Variants in SUMF1 observed in about 807,000 individuals in gnomAD.
The protein encoded by SUMF1 is formylglycine-generating enzyme.
SUMF1 carries 48 observed loss-of-function variants against 47.6 expected under a neutral mutation model. That is an observed-to-expected ratio of 1.01 (90% CI 0.80 to 1.28). SUMF1 has a LOEUF of 1.28. Ranked by LOEUF, SUMF1 falls within the 50% of genes most tolerant of loss-of-function variation. The probability of loss-of-function intolerance (pLI) is 0.00; values close to 1 mark genes in which losing one functional copy is unlikely to be tolerated. For synonymous variants in SUMF1, 230 were observed against 192.1 expected, an observed-to-expected ratio of 1.20 and a Z score of -1.63; for missense variants, 571 against 485.4, an observed-to-expected ratio of 1.18 and a Z score of -1.66.
At chr3:4,180,443 G>C (rs1695068595) in intron 8 of SUMF1, among the ~76,000 whole-genome samples, 1 of 151,506 alleles carries the variant, frequency 6.6e-6, no homozygotes, top group East Asian at 1.9e-4. Context: ...CCATCACAAG[G>C]ACAGAAAACC....
chr3:4,108,005 T>C lies in SUMF1; in HGVS notation c.1015-39260A>G, dbSNP rs577886284. Among the ~76,000 whole-genome samples the C allele has an allele frequency of 2.0e-5, 3 of 152,178 alleles. No homozygotes were observed. The South Asian group carries it at 6.2e-4, about 32-fold the overall frequency. ...GAGATGGAAACTAGAAAAAACAATT[T>C]CTGGAAATAACCCAAATGCCCAACA... On this transcript the variant is annotated intron_variant and NMD_transcript_variant, in intron 8 of 12. Coordinates refer to the SUMF1 transcript ENST00000448413.
At chr3:4,267,225 T>C (rs1697213893) in intron 8 of SUMF1, among the ~76,000 whole-genome samples, 1 of 152,178 alleles carries the variant, frequency 6.6e-6, no homozygotes. Flanking sequence ...GGTATCAGAA[T>C]GATGCTGGCC....
chr3:4,429,992 G>A (rs1239631680), intron 3 of SUMF1, among the ~76,000 whole-genome samples: 2 of 152,184 alleles, frequency 1.3e-5, no homozygotes, highest in Non-Finnish European at 2.9e-5. Context: ...GGACTTTAAA[G>A]GTGGGAAGGA....
Position 4,366,034 on chromosome 3 carries a change from G to A in SUMF1, c.1015-3780C>T, listed in dbSNP as rs1699942508. 5.3e-5 allele frequency among the ~76,000 whole-genome samples: 8 copies of A among 151,916 alleles called. 1 individual carries two copies. The South Asian group carries it at 1.7e-3, about 32-fold the overall frequency. ...GAAAATTCTTTTCTTTAAGAATGTT[G>A]AATATTGGCCCCCACTCTCTTCTGG... On this transcript the variant is annotated intron_variant, in intron 8 of 8. Transcript: ENST00000272902.
At chr3:4,367,125 C>G (rs911428378) in intron 8 of SUMF1, among the ~76,000 whole-genome samples, 1 of 151,956 alleles carries the variant, frequency 6.6e-6, no homozygotes. Flanking sequence ...CAGTCTGCCC[C>G]TACTGGGGGG....
chr3:4,230,586 C>T (rs1189216286), intron 8 of SUMF1, among the ~76,000 whole-genome samples: 9 of 152,098 alleles, frequency 5.9e-5, no homozygotes, highest in African/African-American at 2.2e-4. Flanking sequence ...TTCCCAGCAC[C>T]TCAACATGTT....
chr3:4,406,341 G>T (rs1348275368), intron 7 of SUMF1, among the ~76,000 whole-genome samples: 1 of 152,120 alleles, frequency 6.6e-6, no homozygotes, highest in Non-Finnish European at 1.5e-5. Context: ...AAGTTACTTT[G>T]GTTTATTCCA....
At chr3:4,420,972 T>C (rs1274600222) in intron 3 of SUMF1, among the ~76,000 whole-genome samples, 1 of 152,164 alleles carries the variant, frequency 6.6e-6, no homozygotes, top group Non-Finnish European at 1.5e-5. Context: ...TCCTAGTCCT[T>C]GTCTGTGAAA....
intron 1 of SUMF1, among the ~76,000 whole-genome samples, chr3:4,454,288 T>C (rs766129452): frequency 2.0e-5 from 3 of 152,268 alleles, no homozygotes; most frequent in Non-Finnish European, 4.4e-5. Context: ...GAGCACAGGA[T>C]CTGAGGATGA....
intron 8 of SUMF1, among the ~76,000 whole-genome samples, chr3:4,131,790 G>A (rs1574911001): frequency 6.6e-6 from 1 of 152,072 alleles, no homozygotes; most frequent in South Asian, 2.1e-4. Flanking sequence ...AGCAGAAGAG[G>A]ATTTTAATAA....
chr3:4,136,306 A>C (rs1170519351), intron 8 of SUMF1, among the ~76,000 whole-genome samples: 1 of 152,076 alleles, frequency 6.6e-6, no homozygotes, highest in East Asian at 1.9e-4. Context: ...GAGCCCTCAG[A>C]AATAATACCA....
chr3:4,252,585 C>A (rs747145320), intron 8 of SUMF1, among the ~76,000 whole-genome samples: 1 of 152,120 alleles, frequency 6.6e-6, no homozygotes, highest in Non-Finnish European at 1.5e-5. Flanking sequence ...TTTACACGTA[C>A]AATGAACTTA....
chr3:4,202,272 A>G (rs1225306419), intron 8 of SUMF1, among the ~76,000 whole-genome samples: 1 of 151,592 alleles, frequency 6.6e-6, no homozygotes, highest in Non-Finnish European at 1.5e-5. Flanking sequence ...TTTTTATTTG[A>G]TTTTTGTATA....
rs541738630 is a variant in SUMF1, at chr3:4,153,554, T to C, written c.1015-84809A>G. On this transcript the variant is annotated intron_variant and NMD_transcript_variant, in intron 8 of 12. Coordinates refer to the SUMF1 transcript ENST00000448413. ...TTTTTTTTACTGTATTTCCAGTTTT[T>C]CCACTGTTCAATGACAGAGGAACTC... Among the ~76,000 whole-genome samples the C allele has an allele frequency of 3.9e-4, 59 of 150,824 alleles. 2 individuals are homozygous for C. Among genetic ancestry groups the C allele is most frequent in the African/African-American group, 1.4e-3 (58 of 40,662 alleles).
At chr3:4,303,036 C>T (rs932467534) in intron 8 of SUMF1, among the ~76,000 whole-genome samples, 1 of 152,200 alleles carries the variant, frequency 6.6e-6, no homozygotes, top group African/African-American at 2.4e-5. Context: ...GCACCCCTGC[C>T]TCCACTCCAC....
intron 7 of SUMF1, among the ~76,000 whole-genome samples, chr3:4,380,514 A>G (rs1700470210): frequency 6.6e-6 from 1 of 151,816 alleles, no homozygotes; most frequent in African/African-American, 2.4e-5. Flanking sequence ...TCTACACCAA[A>G]CCCCCACGGC....
At chr3:4,207,272 G>C (rs1292236008) in intron 8 of SUMF1, among the ~76,000 whole-genome samples, 4 of 152,046 alleles carry the variant, frequency 2.6e-5, no homozygotes, top group Admixed American at 2.6e-4. Context: ...TATCGTCCAT[G>C]AATAAAGACA....
intron 8 of SUMF1, among the ~76,000 whole-genome samples, chr3:4,312,138 T>C (rs1037787139): frequency 6.6e-6 from 1 of 152,226 alleles, no homozygotes; most frequent in Non-Finnish European, 1.5e-5. Context: ...TAATATCTAT[T>C]TAAGAAATAG....
intron 9 of SUMF1, among the ~76,000 whole-genome samples, chr3:4,040,916 C>G (rs1057299695): frequency 6.6e-6 from 1 of 152,168 alleles, no homozygotes. Context: ...CAAAAGTGTT[C>G]AAGCAAAGCC....
Sources: allele counts gnomAD v4.1 joint callset (sites outside exome capture counted in the v4.1 genomes callset), GRCh38; gene constraint gnomAD v4.1.1; transcripts MANE v1.5; gene names NCBI Gene and HGNC (gene_info 2026-07-23, HGNC 2026-07-21).